Variants in BAZ2B observed in about 807,000 individuals in gnomAD.
The protein encoded by BAZ2B is bromodomain adjacent to zinc finger domain 2B, also known as bromodomain adjacent to zinc finger domain protein 2B.
A neutral mutation model predicts 246.0 loss-of-function variants in BAZ2B; 91 were observed. The observed-to-expected ratio is 0.37, with a 90% CI of 0.31 to 0.44. The LOEUF is 0.44. BAZ2B is among the 20% of genes least tolerant of loss of function. The pLI is 1.00. For synonymous variants in BAZ2B, 855 were observed against 860.0 expected (o/e 0.99, Z 0.10); for missense variants, 2,332 against 2,533.7 (o/e 0.92, Z 1.71).
the BAZ2B span, chr2:159,690,162 CT>C: frequency 2.1e-6 from 1 of 476,750 alleles, no homozygotes; most frequent in Non-Finnish European, 3.9e-6. Flanking sequence ...GTTTTGGTTC[CT>C]TGGATCCTGG....
chr2:159,697,272 T>C, the BAZ2B span, among the ~76,000 whole-genome samples: 2 of 152,348 alleles, frequency 1.3e-5, no homozygotes, highest in South Asian at 2.1e-4. Flanking sequence ...ATGTCTATTC[T>C]AGCATTACAA....
At chr2:159,433,884 T>C (rs2071614414) in intron 8 of BAZ2B, 1 of 153,922 alleles carries the variant, frequency 6.5e-6, no homozygotes, top group Non-Finnish European at 1.4e-5. Flanking sequence ...CAAAAATAGA[T>C]ACAATACACC....
the BAZ2B span, among the ~76,000 whole-genome samples, chr2:159,705,407 A>G: frequency 6.6e-6 from 1 of 152,224 alleles, no homozygotes; most frequent in East Asian, 1.9e-4. Context: ...AAGATAGGTA[A>G]GCAATATTTT....
At chr2:159,397,418 A>G (rs1357290123) in intron 18 of BAZ2B, 29 bp from the exon 19 acceptor site, 1 of 1,404,328 alleles carries the variant, frequency 7.1e-7, no homozygotes, top group Admixed American at 2.1e-5. Context: ...TTAATACGTG[A>G]TTTTTAGAGA....
At position 159,320,434 on chromosome 2, in the gene BAZ2B, T is replaced by A. The variant is rs751940695; in HGVS notation, c.6354-16A>T. The stretch of plus-strand genomic sequence containing the variant: ...GTTTGGATACCTGAAAGAAAACAAA[T>A]AATTAGAGATTGCGTTCATAGAGTG... On this transcript the variant is annotated splice_polypyrimidine_tract_variant and intron_variant, in intron 36 of 36. Coordinates refer to ENST00000392783, the MANE Select transcript of BAZ2B (RefSeq NM_013450.4). 4.6e-6 allele frequency: 7 copies of A among 1,536,836 alleles called. No homozygotes were observed. In the East Asian group the frequency reaches 1.2e-4, roughly 27 times the overall value.
intron 14 of BAZ2B, 120 bp downstream of exon 14, chr2:159,412,215 A>G (rs1053016453): frequency 3.7e-6 from 4 of 1,067,464 alleles, no homozygotes; most frequent in Non-Finnish European, 5.4e-6. Context: ...TTTTATTCTA[A>G]CACAACTATT....
intron 3 of BAZ2B, among the ~76,000 whole-genome samples, chr2:159,468,229 G>A (rs1167984649): frequency 6.6e-6 from 1 of 152,052 alleles, no homozygotes; most frequent in Non-Finnish European, 1.5e-5. Context: ...GATTATCTCA[G>A]GCGGCAGGAA....
chr2:159,695,740 T>C, the BAZ2B span, among the ~76,000 whole-genome samples: 407 of 152,212 alleles, frequency 2.7e-3, 2 homozygotes, highest in African/African-American at 9.2e-3. Flanking sequence ...TTGATCTATA[T>C]ATCTTTTTTT....
At chr2:159,545,948 T>A (rs566838434) in intron 2 of BAZ2B, among the ~76,000 whole-genome samples, 1 of 152,310 alleles carries the variant, frequency 6.6e-6, no homozygotes, top group South Asian at 2.1e-4. Context: ...TGCTTCCAGA[T>A]CTTATTTCAA....
At chr2:159,656,071 T>C in the BAZ2B span, among the ~76,000 whole-genome samples, 1,458 of 152,248 alleles carry the variant, frequency 9.6e-3, 20 homozygotes, top group African/African-American at 0.033. Flanking sequence ...TCTGTTGTAT[T>C]TTCCTGAAAG....
At chr2:159,696,146 C>T in the BAZ2B span, among the ~76,000 whole-genome samples, 2 of 152,022 alleles carry the variant, frequency 1.3e-5, no homozygotes, top group African/African-American at 2.4e-5. Context: ...TTTTATTTTA[C>T]CTTCATTTTC....
intron 1 of BAZ2B, among the ~76,000 whole-genome samples, chr2:159,585,666 T>C (rs767534287): frequency 6.6e-6 from 1 of 152,256 alleles, no homozygotes; most frequent in Non-Finnish European, 1.5e-5. Context: ...AGACTTCTAC[T>C]TTCTCCTTAA....
chr2:159,687,747 T>C, the BAZ2B span, among the ~76,000 whole-genome samples: 2 of 152,238 alleles, frequency 1.3e-5, no homozygotes, highest in African/African-American at 4.8e-5. Flanking sequence ...TCCCAATTTG[T>C]AGTCAAGTTA....
At chr2:159,320,838 C>T (rs1204264910) in intron 36 of BAZ2B, among the ~76,000 whole-genome samples, 1 of 152,186 alleles carries the variant, frequency 6.6e-6, no homozygotes. Context: ...TATGTCAATG[C>T]TCCCCATGCA....
At chr2:159,344,411 G>A (rs374884651) in intron 31 of BAZ2B, among the ~76,000 whole-genome samples, 95 of 152,026 alleles carry the variant, frequency 6.2e-4, no homozygotes, top group African/African-American at 1.8e-3. Context: ...GTGCATGCCT[G>A]TAATCCCAGC....
chr2:159,395,695 T>TA, intron 20 of BAZ2B, 74 bp downstream of exon 20: 1 of 1,340,326 alleles, frequency 7.5e-7, no homozygotes, highest in Non-Finnish European at 1.0e-6. Flanking sequence ...GAAAAATTTA[T>TA]ATTTAGAAGA....
chr2:159,415,215 G>T (rs2067474943), intron 13 of BAZ2B, among the ~76,000 whole-genome samples: 1 of 152,020 alleles, frequency 6.6e-6, no homozygotes. Context: ...GGGAGGCTAA[G>T]GCGGGCAGAT....
intron 18 of BAZ2B, chr2:159,398,399 GAAT>G (rs1366546072): frequency 6.5e-6 from 1 of 152,782 alleles, no homozygotes; most frequent in Non-Finnish European, 1.5e-5. Flanking sequence ...AACAGTTGCT[GAAT>G]ATTAACAAAG....
intron 27 of BAZ2B, among the ~76,000 whole-genome samples, chr2:159,360,684 T>C (rs1236564232): frequency 6.6e-6 from 1 of 152,208 alleles, no homozygotes; most frequent in Non-Finnish European, 1.5e-5. Context: ...GGCATCACAC[T>C]ACCTGACTTC....
Sources: allele counts gnomAD v4.1 joint callset (sites outside exome capture counted in the v4.1 genomes callset), GRCh38; gene constraint gnomAD v4.1.1; transcripts MANE v1.5; gene names NCBI Gene and HGNC (gene_info 2026-07-23, HGNC 2026-07-21).